Variants in MGMT observed in about 807,000 individuals in gnomAD.
MGMT encodes the protein O-6-methylguanine-DNA methyltransferase.
MGMT carries 14 observed loss-of-function variants against 15.9 expected under a neutral mutation model. The ratio of observed to expected loss-of-function variants is 0.88; its 90% confidence interval spans 0.58 to 1.37. The LOEUF is 1.37. MGMT is among the 40% of genes most tolerant of loss of function. MGMT has a pLI of 0.00. For missense variants in MGMT, 282 were observed against 268.1 expected, an observed-to-expected ratio of 1.05 and a Z score of -0.36; for synonymous variants, 130 against 118.2, an observed-to-expected ratio of 1.10 and a Z score of -0.65.
At chr10:129,534,173 C>T (rs1290201309) in intron 1 of MGMT, among the ~76,000 whole-genome samples, 2 of 152,058 alleles carry the variant, frequency 1.3e-5, no homozygotes, top group African/African-American at 2.4e-5. Context: ...GGTGGGAGGC[C>T]GTGATTTGCA....
chr10:129,700,029 G>C (rs1490157168), intron 2 of MGMT: 2 of 152,172 alleles, frequency 1.3e-5, no homozygotes, highest in Non-Finnish European at 2.9e-5. Context: ...TTTTGTGCGT[G>C]TTTATTCACT....
At chr10:129,705,229 C>T (rs907877608) in intron 2 of MGMT, among the ~76,000 whole-genome samples, 4 of 152,208 alleles carry the variant, frequency 2.6e-5, no homozygotes, top group Non-Finnish European at 5.9e-5. Context: ...GGCAGAAGCT[C>T]CAGAACTTTA....
intron 2 of MGMT, among the ~76,000 whole-genome samples, chr10:129,615,318 G>T (rs1222835311): frequency 1.3e-5 from 2 of 152,168 alleles, no homozygotes; most frequent in African/African-American, 2.4e-5. Flanking sequence ...CCCTGGTGAG[G>T]TGTGGGCTGC....
chr10:129,765,360 C>G (rs1848921590), intron 4 of MGMT, among the ~76,000 whole-genome samples: 1 of 152,068 alleles, frequency 6.6e-6, no homozygotes, highest in South Asian at 2.1e-4. Flanking sequence ...AAGCAAATGG[C>G]CCTGGAGCCC....
At chr10:129,755,586 TCAC>T (rs1225374819) in intron 3 of MGMT, among the ~76,000 whole-genome samples, 1 of 152,120 alleles carries the variant, frequency 6.6e-6, no homozygotes, top group Non-Finnish European at 1.5e-5. Context: ...CCTTGACAGG[TCAC>T]CACCCATGGA....
At chr10:129,732,537 C>CTTTT (rs969719957) in intron 3 of MGMT, among the ~76,000 whole-genome samples, 1 of 148,798 alleles carries the variant, frequency 6.7e-6, no homozygotes, top group Non-Finnish European at 1.5e-5. Context: ...GCCACATTTT[C>CTTTT]TTTTTTTTTG....
intron 1 of MGMT, among the ~76,000 whole-genome samples, chr10:129,488,377 G>C (rs1845434828): frequency 6.6e-6 from 1 of 152,034 alleles, no homozygotes; most frequent in Admixed American, 6.6e-5. Context: ...CGAAATGCCT[G>C]TTCATACCCT....
intron 4 of MGMT, among the ~76,000 whole-genome samples, chr10:129,759,805 C>G (rs1048397994): frequency 2.6e-5 from 4 of 152,122 alleles, no homozygotes; most frequent in Non-Finnish European, 2.9e-5. Context: ...AACCCCATCT[C>G]TCTGTGGGCT....
At position 129,488,004 on chromosome 10, in the gene MGMT, TACACACACACAC is replaced by T. The variant is rs373298935; in HGVS notation, c.-13+20734_-13+20745del. ...ATACACACACACACACACATAGGTA[TACACACACACAC>T]ACACACACACACACACACACACACA... On this transcript the variant is annotated intron_variant, in intron 1 of 4. Coordinates refer to ENST00000651593, the MANE Select transcript of MGMT (RefSeq NM_002412.5). 1.1e-3 allele frequency among the ~76,000 whole-genome samples: 134 copies of T among 121,496 alleles called. 1 individual carries two copies. Among genetic ancestry groups the T allele is most frequent in the East Asian group, 6.2e-3 (27 of 4,386 alleles). 79.7% of individuals were successfully genotyped at this position (121,496 alleles called of 152,430 possible).
intron 2 of MGMT, among the ~76,000 whole-genome samples, chr10:129,622,357 A>G (rs2133076391): frequency 6.6e-6 from 1 of 152,378 alleles, no homozygotes; most frequent in East Asian, 1.9e-4. Context: ...TTCTCAGATC[A>G]CATATATTCA....
intron 3 of MGMT, among the ~76,000 whole-genome samples, chr10:129,732,532 ATTTTC>A (rs1435085938): frequency 1.1e-3 from 162 of 148,838 alleles, no homozygotes; most frequent in African/African-American, 3.9e-3. Flanking sequence ...CACATGCCAC[ATTTTC>A]TTTTTTTTTG....
intron 1 of MGMT, among the ~76,000 whole-genome samples, chr10:129,523,999 G>A (rs1845841435): frequency 6.6e-6 from 1 of 152,190 alleles, no homozygotes; most frequent in Admixed American, 6.5e-5. Flanking sequence ...AGCATCTCTT[G>A]ATGGCAAGTG....
At chr10:129,616,228 A>G (rs561639892) in intron 2 of MGMT, among the ~76,000 whole-genome samples, 2 of 152,316 alleles carry the variant, frequency 1.3e-5, no homozygotes, top group African/African-American at 4.8e-5. Context: ...TCCTACATAC[A>G]TGCCACACGC....
chr10:129,701,270 G>T (rs1265977032), intron 2 of MGMT: 2 of 152,166 alleles, frequency 1.3e-5, no homozygotes, highest in African/African-American at 4.8e-5. Context: ...GGGTGGTCAG[G>T]TAGCATTCCC....
intron 1 of MGMT, among the ~76,000 whole-genome samples, chr10:129,510,059 C>T (rs552123751): frequency 1.1e-4 from 17 of 152,272 alleles, no homozygotes; most frequent in South Asian, 8.3e-4. Flanking sequence ...GGGTTCTTCC[C>T]GCAGGGTGCT....
intron 3 of MGMT, among the ~76,000 whole-genome samples, chr10:129,714,570 C>T (rs1182481567): frequency 6.6e-6 from 1 of 152,094 alleles, no homozygotes; most frequent in Non-Finnish European, 1.5e-5. Context: ...CTTACCCCTC[C>T]TCAAGATACA....
intron 1 of MGMT, among the ~76,000 whole-genome samples, chr10:129,483,082 G>A (rs1002420082): frequency 6.6e-6 from 1 of 151,962 alleles, no homozygotes; most frequent in Non-Finnish European, 1.5e-5. Context: ...TTCTTTTTTA[G>A]TGGCTGCTTT....
intron 2 of MGMT, among the ~76,000 whole-genome samples, chr10:129,548,938 G>A (rs566002331): frequency 6.6e-5 from 10 of 152,200 alleles, no homozygotes; most frequent in South Asian, 2.1e-4. Context: ...AGAATGGGGC[G>A]CGGCCTGACC....
intron 1 of MGMT, among the ~76,000 whole-genome samples, chr10:129,474,539 G>A (rs544533437): frequency 7.2e-5 from 11 of 152,296 alleles, no homozygotes; most frequent in African/African-American, 2.4e-4. Flanking sequence ...TAGACAGGCC[G>A]CCCTCTGCCC....
Sources: gnomAD v4.1 joint callset for allele counts (sites outside exome capture counted in the v4.1 genomes callset) on GRCh38, gnomAD v4.1.1 for gene constraint, MANE v1.5 for transcripts, NCBI Gene and HGNC (gene_info 2026-07-23, HGNC 2026-07-21) for gene names.